The following ACTN2 variants were observed in gnomAD, a reference collection of about 807,000 sequenced individuals.
The protein encoded by ACTN2 is alpha-actinin-2.
Under a neutral mutation model 113.8 loss-of-function variants are expected in ACTN2, and 39 were observed. The ratio of observed to expected loss-of-function variants is 0.34; its 90% CI spans 0.27 to 0.45. The LOEUF is 0.45. Among genes scored for constraint, ACTN2 ranks in the 20% least tolerant of loss-of-function variants. The pLI is 1.00. For synonymous variants in ACTN2, 429 were observed against 444.1 expected, an observed-to-expected ratio of 0.97 and a Z score of 0.43; for missense variants, 992 against 1,177.9, an observed-to-expected ratio of 0.84 and a Z score of 2.31.
intron 11 of ACTN2, among the ~76,000 whole-genome samples, chr1:236,743,724 A>G (rs965858676): frequency 6.6e-6 from 1 of 152,128 alleles, no homozygotes; most frequent in African/African-American, 2.4e-5. Flanking sequence ...CTTGATTTTT[A>G]ATATTTCATA....
intron 13 of ACTN2, among the ~76,000 whole-genome samples, chr1:236,748,450 A>T (rs1558245761): frequency 1.3e-5 from 2 of 152,206 alleles, no homozygotes; most frequent in Non-Finnish European, 2.9e-5. Context: ...CAGAGACAGC[A>T]CAAAACATTT....
chr1:236,757,509 G>A lies in ACTN2; in HGVS notation c.2178G>A (p.Leu726=). ...AGCACATTCGTGTTGGATGGGAGCT[G>A]CTGCTGACAACCATCGCCAGAACCA... ...TMEHIRVGWE[L]LLTTIARTIN... Residue 726 remains leucine (L), a synonymous_variant, in exon 18 of 21, where the codon CTG becomes CTA. Transcript: ENST00000366578. 1 of 1,614,110 alleles carries A rather than the reference G, an allele frequency of 6.2e-7. No individual in the cohort carries two copies. The highest frequency in any genetic ancestry group is 1.1e-5 in the South Asian group (1 of 91,082).
chr1:236,689,372 A>AT (rs1665998945), intron 1 of ACTN2, among the ~76,000 whole-genome samples: 2 of 148,618 alleles, frequency 1.3e-5, no homozygotes, highest in Admixed American at 6.7e-5. Context: ...ATATATATAT[A>AT]AAATATGTAA....
intron 4 of ACTN2, among the ~76,000 whole-genome samples, chr1:236,725,694 T>G (rs1174535254): frequency 7.2e-5 from 11 of 152,182 alleles, no homozygotes. Context: ...AAGTCTAGTT[T>G]TAGTGTCTTT....
intron 5 of ACTN2, among the ~76,000 whole-genome samples, chr1:236,727,276 G>T (rs1262548171): frequency 6.6e-6 from 1 of 152,206 alleles, no homozygotes; most frequent in Non-Finnish European, 1.5e-5. Flanking sequence ...AGTGTGTTCT[G>T]GACATTTGCA....
chr1:236,686,527 G>T lies in ACTN2; in HGVS notation c.-147G>T. The T allele has an allele frequency of 1.1e-6, 1 of 923,014 alleles. No homozygotes were observed. Among genetic ancestry groups the T allele is most frequent in the Non-Finnish European group, 1.4e-6 (1 of 701,696 alleles). The allele number at this position is 923,014 out of a possible 1,614,324, so 57.2% of individuals were successfully genotyped here. On this transcript the variant is annotated 5_prime_UTR_variant, in exon 1 of 21. Coordinates refer to ENST00000366578, the MANE Select transcript of ACTN2 (RefSeq NM_001103.4). ...GCTGGTGCTTCGCCCGAGACCCAGC[G>T]CCCAGGCGTGTCGCCCCGAGAGGAG...
chr1:236,735,645 C>T lies in ACTN2; in HGVS notation c.708C>T (p.Asn236=). The T allele has an allele frequency of 6.2e-7, 1 of 1,614,122 alleles. No individual in the cohort carries two copies. Among genetic ancestry groups the T allele is most frequent in the Non-Finnish European group, 8.5e-7 (1 of 1,179,988 alleles). ...PKMLDAEDIV[N]TPKPDERAIM... ...TTTCTCCCCCTTCAGACATCGTGAACACCCCTAAACCCGATGAAAGAGCCA... is the reference window on the plus strand; with the variant it reads ...TTTCTCCCCCTTCAGACATCGTGAATACCCCTAAACCCGATGAAAGAGCCA... Residue 236 remains asparagine (N), a synonymous_variant, in exon 8 of 21, where the codon AAC becomes AAT. Coordinates refer to ENST00000366578, the MANE Select transcript of ACTN2 (RefSeq NM_001103.4).
At chr1:236,699,526 T>C (rs545367017) in intron 1 of ACTN2, among the ~76,000 whole-genome samples, 73 of 152,268 alleles carry the variant, frequency 4.8e-4, no homozygotes, top group African/African-American at 1.7e-3. Flanking sequence ...CTGACGCACT[T>C]CCAAAAGAAG....
In ACTN2 at chr1:236,753,800, C is replaced by G. The variant is rs955753957; in HGVS notation, c.1840-147C>G. 4 of 998,568 alleles carry G rather than the reference C, an allele frequency of 4.0e-6. No homozygotes were observed. The Admixed American group carries it at 6.8e-5, about 17-fold the overall frequency. 61.9% of individuals were successfully genotyped at this position (998,568 alleles called of 1,614,324 possible). ...AGACTAGGGACTCCTCCTCCCTATC[C>G]TCCCTCTTCCTTCCCCCTACACCCT... is the stretch of plus-strand genomic sequence containing the variant. On this transcript the variant is annotated intron_variant, in intron 15 of 20. Coordinates refer to ENST00000366578, the MANE Select transcript of ACTN2 (RefSeq NM_001103.4).
chr1:236,759,459 TAGTTCC>T (rs1036191988), intron 18 of ACTN2, among the ~76,000 whole-genome samples: 1 of 152,240 alleles, frequency 6.6e-6, no homozygotes, highest in Non-Finnish European at 1.5e-5. Context: ...AGCTCCTGAC[TAGTTCC>T]TTTTGCTGTT....
intron 10 of ACTN2, among the ~76,000 whole-genome samples, chr1:236,740,729 C>T (rs1178618626): frequency 6.6e-6 from 1 of 151,966 alleles, no homozygotes; most frequent in Non-Finnish European, 1.5e-5. Context: ...GGTGGGGTTT[C>T]ACCATATTGG....
intron 1 of ACTN2, 23 bp downstream of exon 1, chr1:236,686,822 C>T (rs1318786587): frequency 6.2e-6 from 9 of 1,458,440 alleles, no homozygotes; most frequent in East Asian, 2.9e-5. Context: ...CCGCGGGCCG[C>T]CCGCGCGTGG....
At position 236,755,093 on chromosome 1, in the gene ACTN2, C is replaced by G; in HGVS notation, c.2049C>G (p.His683Gln). The change falls in exon 17 of 21, where the codon CAC (histidine) becomes CAG (glutamine). Residue 683 changes from histidine to glutamine, a missense_variant. Coordinates refer to ENST00000366578, the MANE Select transcript of ACTN2 (RefSeq NM_001103.4). ...DQMNQLKQYE[H>Q]NIINYKNNID... ...TGAACCAGCTGAAGCAGTATGAGCA[C>G]AACATCATCAACTATAAGAACAACA... 1 of 1,614,212 alleles carries G rather than the reference C, an allele frequency of 6.2e-7. No homozygotes were observed. Among genetic ancestry groups the G allele is most frequent in the Non-Finnish European group, 8.5e-7 (1 of 1,180,044 alleles).
chr1:236,725,267 A>G (rs994550093), intron 4 of ACTN2, among the ~76,000 whole-genome samples: 1 of 152,208 alleles, frequency 6.6e-6, no homozygotes, highest in Non-Finnish European at 1.5e-5. Context: ...TTGGACACTT[A>G]GTCTCTGGTC....
intron 1 of ACTN2, among the ~76,000 whole-genome samples, chr1:236,706,549 C>A (rs1414195227): frequency 6.6e-6 from 1 of 152,184 alleles, no homozygotes; most frequent in African/African-American, 2.4e-5. Flanking sequence ...AATCCTGCAT[C>A]CAGGCAGAGT....
At chr1:236,703,813 A>G (rs961716998) in intron 1 of ACTN2, among the ~76,000 whole-genome samples, 4 of 152,158 alleles carry the variant, frequency 2.6e-5, no homozygotes, top group African/African-American at 4.8e-5. Flanking sequence ...CTCTAATTTG[A>G]GGATTAAAGA....
intron 1 of ACTN2, among the ~76,000 whole-genome samples, chr1:236,707,581 A>G (rs1311246627): frequency 1.3e-5 from 2 of 151,898 alleles, no homozygotes; most frequent in African/African-American, 2.4e-5. Flanking sequence ...TTGTATTTCT[A>G]TGGCACATAG....
chr1:236,732,047 G>A (rs1452928433), intron 7 of ACTN2, among the ~76,000 whole-genome samples: 1 of 152,040 alleles, frequency 6.6e-6, no homozygotes, highest in Non-Finnish European at 1.5e-5. Context: ...ATATTACTTT[G>A]TTCGTTATTG....
rs1447860924 is a variant in ACTN2, at chr1:236,763,032, A to C, written c.*413A>C. ...AAATAAAGGTTTGCTATTTGTAAAA[A>C]ATTTCATTTATCTCTAATATGCTTA... On this transcript the variant is annotated 3_prime_UTR_variant, in exon 21 of 21. Coordinates refer to ENST00000366578, the MANE Select transcript of ACTN2 (RefSeq NM_001103.4). 6.4e-6 allele frequency: 2 copies of C among 312,090 alleles called. No individual in the cohort carries two copies. Among genetic ancestry groups the C allele is most frequent in the South Asian group, 2.8e-5 (1 of 35,578 alleles). 19.3% of individuals were successfully genotyped at this position (312,090 alleles called of 1,614,324 possible).
Sources: gnomAD v4.1 joint callset for allele counts (sites outside exome capture counted in the v4.1 genomes callset) on GRCh38, gnomAD v4.1.1 for gene constraint, MANE v1.5 for transcripts, NCBI Gene and HGNC (gene_info 2026-07-23, HGNC 2026-07-21) for gene names.